CLEC1A: variants seen among roughly 807,000 people sequenced by gnomAD.
The protein encoded by CLEC1A is C-type lectin domain family 1 member A.
A neutral mutation model predicts 28.7 loss-of-function variants in CLEC1A; 34 were observed. The ratio of observed to expected loss-of-function variants is 1.18; its 90% CI spans 0.90 to 1.57. The LOEUF is 1.57. CLEC1A is among the 40% of genes most tolerant of loss of function. The probability of loss-of-function intolerance (pLI) is 0.00; values close to 1 mark genes in which losing one functional copy is unlikely to be tolerated. For synonymous variants in CLEC1A, 116 were observed against 121.0 expected, an observed-to-expected ratio of 0.96 and a Z score of 0.27; for missense variants, 385 against 339.5, an observed-to-expected ratio of 1.13 and a Z score of -1.05.
In CLEC1A at chr12:10,071,408, G is replaced by A. The variant is rs748082893; in HGVS notation, c.768C>T (p.Val256=). ...TCACCATTCCTGCCCTTCTCTCACA[G>A]ACACAACGCTTCAATTCTTTGCAGT... The part of the protein sequence containing the change: ...SKDCKELKRC[V]CERRAGMVKP... The change falls in exon 6 of 6, where the codon GTC becomes GTT. Residue 256 remains valine, a synonymous_variant. Coordinates refer to ENST00000315330, the MANE Select transcript of CLEC1A (RefSeq NM_016511.4). The A allele has an allele frequency of 7.4e-6, 12 of 1,613,864 alleles. No homozygotes were observed. The highest frequency in any genetic ancestry group is 1.3e-5 in the African/African-American group (1 of 74,898).
At chr12:10,086,542 G>A (rs1453902596) in intron 2 of CLEC1A, among the ~76,000 whole-genome samples, 1 of 152,092 alleles carries the variant, frequency 6.6e-6, no homozygotes. Context: ...AAATACGAAA[G>A]ATCACAAAGT....
At chr12:10,079,194 T>C (rs1411742836) in intron 3 of CLEC1A, among the ~76,000 whole-genome samples, 1 of 152,184 alleles carries the variant, frequency 6.6e-6, no homozygotes, top group Non-Finnish European at 1.5e-5. Context: ...TTGTCAGATA[T>C]GCATCAGTAG....
intron 3 of CLEC1A, among the ~76,000 whole-genome samples, chr12:10,077,569 T>G (rs989708177): frequency 6.6e-6 from 1 of 152,168 alleles, no homozygotes; most frequent in African/African-American, 2.4e-5. Flanking sequence ...AAACGGAACA[T>G]GTACACTTTC....
chr12:10,081,703 C>T (rs1213675291), intron 2 of CLEC1A, among the ~76,000 whole-genome samples: 5 of 150,584 alleles, frequency 3.3e-5, no homozygotes, highest in African/African-American at 1.2e-4. Flanking sequence ...AGGAGACTCA[C>T]ACTGTGAACT....
chr12:10,085,536 T>TA (rs71049044), intron 2 of CLEC1A, among the ~76,000 whole-genome samples: 1,719 of 128,592 alleles, frequency 0.013, 36 homozygotes, highest in African/African-American at 0.04. Context: ...GCAAAAACAG[T>TA]AAAAAAAAAA....
At position 10,098,911 on chromosome 12, in the gene CLEC1A, CT is replaced by C. The variant is rs1334623539; in HGVS notation, c.11del (p.Lys4SerfsTer17). 1.9e-6 allele frequency: 3 copies of C among 1,611,400 alleles called. No homozygotes were observed. Among genetic ancestry groups the C allele is most frequent in the Non-Finnish European group, 2.5e-6 (3 of 1,178,366 alleles). On this transcript the variant is annotated frameshift_variant, in exon 1 of 6. Transcript: ENST00000315330. LOFTEE classifies it high-confidence loss of function. MQAKYSSTRDMLDD... is the reference protein window; with the variant it reads MQAXYSSTRDMLDD... ...CCAGCATGTCCCTCGTGCTGCTGTA[CT>C]TGGCCTGCATCTGGATTCCTACAGC...
intron 1 of CLEC1A, among the ~76,000 whole-genome samples, chr12:10,097,301 A>T (rs1591925788): frequency 6.6e-6 from 1 of 152,210 alleles, no homozygotes; most frequent in Admixed American, 6.5e-5. Context: ...TCACATCATT[A>T]TGTTGAATCT....
chr12:10,094,609 G>A (rs1032197260), intron 1 of CLEC1A, among the ~76,000 whole-genome samples: 3 of 152,112 alleles, frequency 2.0e-5, no homozygotes, highest in African/African-American at 7.2e-5. Context: ...AGCTACCCAA[G>A]CTGACTGATT....
Position 10,089,238 on chromosome 12 carries a change from G to C in CLEC1A, c.116-16C>G. On this transcript the variant is annotated splice_polypyrimidine_tract_variant and intron_variant, in intron 1 of 5. Coordinates refer to ENST00000315330, the MANE Select transcript of CLEC1A (RefSeq NM_016511.4). The stretch of plus-strand genomic sequence containing the variant: ...GCCCTGTGCTCTGCAGGGAACAGAA[G>C]AGAAAGCAGAGTTTGGCTTTTTCTT... The C allele has an allele frequency of 6.2e-7, 1 of 1,608,130 alleles. No individual in the cohort carries two copies. Among genetic ancestry groups the C allele is most frequent in the Non-Finnish European group, 8.5e-7 (1 of 1,174,936 alleles).
Position 10,085,355 on chromosome 12 carries a change from T to C in CLEC1A, c.214+3769A>G, listed in dbSNP as rs150632672. On this transcript the variant is annotated intron_variant, in intron 2 of 5. Coordinates refer to ENST00000315330, the MANE Select transcript of CLEC1A (RefSeq NM_016511.4). The stretch of plus-strand genomic sequence containing the variant: ...AAATGCTCCACTTAAAAGCTAAAGA[T>C]GACAGAATGGATTTCACCAATCAAG... Among the ~76,000 whole-genome samples, 513 of 151,946 alleles carry C rather than the reference T, an allele frequency of 3.4e-3. 5 individuals are homozygous for C. Among genetic ancestry groups the C allele is most frequent in the African/African-American group, 0.012 (483 of 41,456 alleles).
At chr12:10,097,760 ACT>A (rs891666761) in intron 1 of CLEC1A, among the ~76,000 whole-genome samples, 7 of 151,988 alleles carry the variant, frequency 4.6e-5, no homozygotes, top group African/African-American at 1.7e-4. Flanking sequence ...GTAAAAATGG[ACT>A]CTTCGTAAGT....
chr12:10,073,227 A>C, intron 5 of CLEC1A, 66 bp downstream of exon 5: 1 of 1,173,578 alleles, frequency 8.5e-7, no homozygotes, highest in Non-Finnish European at 1.3e-6. Context: ...CAAATTCTTG[A>C]GCTCTATCAC....
At chr12:10,095,297 A>T (rs7953120) in intron 1 of CLEC1A, among the ~76,000 whole-genome samples, 126,578 of 152,074 alleles carry the variant, frequency 0.83, 53,895 homozygotes, top group African/African-American at 0.89. Context: ...TAAATTTTTT[A>T]AAATTATTTA....
rs1347196155 is a variant in CLEC1A, at chr12:10,070,863, C to G, written c.*470G>C. On this transcript the variant is annotated 3_prime_UTR_variant, in exon 6 of 6. Transcript: ENST00000315330. ...GGGAAGGGACTAGTATGAACTGAAA[C>G]AAACAAAAAGAATTCCTTGTGTATT... 1 of 153,466 alleles carries G rather than the reference C, an allele frequency of 6.5e-6. No homozygotes were observed. The highest frequency in any genetic ancestry group is 1.5e-5 in the Non-Finnish European group (1 of 68,900). 9.5% of individuals were successfully genotyped at this position (153,466 alleles called of 1,614,324 possible). A position where few individuals can be genotyped will look rare whatever the true frequency, so the allele number is the denominator to read the frequency against.
chr12:10,090,822 T>TAA (rs1283211036), intron 1 of CLEC1A, among the ~76,000 whole-genome samples: 1 of 64,952 alleles, frequency 1.5e-5, no homozygotes, highest in African/African-American at 4.5e-5. Context: ...GCTCCTTTTT[T>TAA]TAAAAAAAAT....
At chr12:10,082,062 A>T (rs1866384318) in intron 2 of CLEC1A, among the ~76,000 whole-genome samples, 1 of 152,208 alleles carries the variant, frequency 6.6e-6, no homozygotes, top group African/African-American at 2.4e-5. Context: ...GTCCTTGGAC[A>T]AGGCAGCCAG....
intron 4 of CLEC1A, 152 bp downstream of exon 4, chr12:10,075,352 G>A (rs1022122470): frequency 1.3e-5 from 9 of 697,858 alleles, no homozygotes; most frequent in East Asian, 5.4e-5. Context: ...TCAGGGGACC[G>A]TTCAAAGCAA....
At chr12:10,074,259 A>T (rs1214618336) in intron 4 of CLEC1A, among the ~76,000 whole-genome samples, 1 of 152,198 alleles carries the variant, frequency 6.6e-6, no homozygotes, top group Non-Finnish European at 1.5e-5. Context: ...TCATTGTTAC[A>T]TCCAAAACCC....
At chr12:10,085,976 T>C (rs1455666391) in intron 2 of CLEC1A, among the ~76,000 whole-genome samples, 1 of 152,218 alleles carries the variant, frequency 6.6e-6, no homozygotes. Flanking sequence ...ACTGAAATTA[T>C]ATCAAGTATT....
Sources: allele counts gnomAD v4.1 joint callset (sites outside exome capture counted in the v4.1 genomes callset), GRCh38; gene constraint gnomAD v4.1.1; transcripts MANE v1.5; gene names NCBI Gene and HGNC (gene_info 2026-07-23, HGNC 2026-07-21).